ROR2: variants seen among roughly 807,000 people sequenced by gnomAD.
ROR2 encodes the protein ROR family WNT receptor 2, also known as tyrosine-protein kinase transmembrane receptor ROR2.
A neutral mutation model predicts 74.9 loss-of-function variants in ROR2; 33 were observed. That is an observed-to-expected ratio of 0.44 (90% CI 0.33 to 0.59). ROR2 has a LOEUF of 0.59. Ranked by LOEUF, ROR2 falls within the 20% of genes least tolerant of loss-of-function variation. ROR2 has a pLI of 0.02. For missense variants in ROR2, 1,216 were observed against 1,313.8 expected (o/e 0.93, Z 1.15); for synonymous variants, 586 against 558.7 (o/e 1.05, Z -0.69).
intron 4 of ROR2, among the ~76,000 whole-genome samples, chr9:91,747,542 A>C (rs932727898): frequency 1.3e-5 from 2 of 152,248 alleles, no homozygotes; most frequent in Non-Finnish European, 1.5e-5. Context: ...CTCCATTTAT[A>C]CAGACAGGAC....
chr9:91,912,563 T>G (rs1268814864), intron 1 of ROR2, among the ~76,000 whole-genome samples: 3 of 152,164 alleles, frequency 2.0e-5, no homozygotes, highest in Non-Finnish European at 4.4e-5. Flanking sequence ...TATGCTTCTG[T>G]GTATTCTTCT....
chr9:91,939,671 G>A (rs1360246521), intron 1 of ROR2, among the ~76,000 whole-genome samples: 1 of 152,068 alleles, frequency 6.6e-6, no homozygotes, highest in Non-Finnish European at 1.5e-5. Flanking sequence ...CACCAAGAAG[G>A]AGAAAATTGA....
At chr9:91,936,955 G>A (rs916650245) in intron 1 of ROR2, among the ~76,000 whole-genome samples, 2 of 145,528 alleles carry the variant, frequency 1.4e-5, no homozygotes, top group Non-Finnish European at 3.0e-5. Context: ...GCGTGAACCC[G>A]GGAGGCGGAG....
intron 1 of ROR2, among the ~76,000 whole-genome samples, chr9:91,782,500 T>G (rs74483489): frequency 0.031 from 4,687 of 151,646 alleles, 119 homozygotes; most frequent in East Asian, 0.13. Flanking sequence ...TGTCCAATCT[T>G]TTGGCTTCCC....
At chr9:91,853,255 G>A (rs1407448125) in intron 1 of ROR2, among the ~76,000 whole-genome samples, 1 of 152,214 alleles carries the variant, frequency 6.6e-6, no homozygotes, top group Non-Finnish European at 1.5e-5. Flanking sequence ...TCAACGGCCA[G>A]AGGGCGGGCG....
intron 2 of ROR2, 115 bp downstream of exon 2, chr9:91,775,626 G>A: frequency 1.1e-6 from 1 of 904,742 alleles, no homozygotes; most frequent in Non-Finnish European, 1.8e-6. Flanking sequence ...ACCACCAGGG[G>A]GCACCAAGGG....
At chr9:91,831,360 C>T (rs575636407) in intron 1 of ROR2, among the ~76,000 whole-genome samples, 1 of 152,122 alleles carries the variant, frequency 6.6e-6, no homozygotes. Flanking sequence ...ATGTTTTGGG[C>T]TGAGAGGAAT....
Position 91,723,524 on chromosome 9 carries a change from C to T in ROR2, c.*138G>A. ...GAGGACAGAGAGGAGCAGGGCTCCA[C>T]CTCACCCAGTCTGCAAACAAGCCCA... is the stretch of plus-strand genomic sequence containing the variant. On this transcript the variant is annotated 3_prime_UTR_variant, in exon 9 of 9. Coordinates refer to ENST00000375708, the MANE Select transcript of ROR2 (RefSeq NM_004560.4). 2.9e-5 allele frequency: 39 copies of T among 1,331,348 alleles called. No homozygotes were observed. The highest frequency in any genetic ancestry group is 3.9e-5 in the Non-Finnish European group (38 of 971,738). The allele number at this position is 1,331,348 out of a possible 1,614,324, so 82.5% of individuals were successfully genotyped here.
intron 1 of ROR2, among the ~76,000 whole-genome samples, chr9:91,855,295 G>T (rs536058491): frequency 6.6e-6 from 1 of 152,286 alleles, no homozygotes; most frequent in South Asian, 2.1e-4. Context: ...TGCCCAGAAA[G>T]CCCAGGCCCT....
intron 1 of ROR2, among the ~76,000 whole-genome samples, chr9:91,924,458 T>A (rs917739726): frequency 2.0e-5 from 3 of 152,206 alleles, no homozygotes; most frequent in African/African-American, 7.2e-5. Flanking sequence ...TCTCAACTTT[T>A]ACGTGCATTA....
chr9:91,900,842 C>T lies in ROR2; in HGVS notation c.97+49025G>A, dbSNP rs1334091570. 3.9e-5 allele frequency among the ~76,000 whole-genome samples: 6 copies of T among 152,218 alleles called. No homozygotes were observed. In the East Asian group the frequency reaches 7.7e-4, roughly 20 times the overall value. Reference sequence around the variant, plus strand: ...GGAAAAAAATAATAAGCCAAGAATGCACATCTGTTTTTAAGAAGGAAATCC... The same window carrying T: ...GGAAAAAAATAATAAGCCAAGAATGTACATCTGTTTTTAAGAAGGAAATCC... On this transcript the variant is annotated intron_variant, in intron 1 of 8. Coordinates refer to ENST00000375708, the MANE Select transcript of ROR2 (RefSeq NM_004560.4).
At chr9:91,768,968 C>T (rs1057139990) in intron 2 of ROR2, among the ~76,000 whole-genome samples, 5 of 152,164 alleles carry the variant, frequency 3.3e-5, no homozygotes, top group African/African-American at 1.2e-4. Flanking sequence ...AGTGGTGCAA[C>T]GCTCACAACC....
intron 1 of ROR2, among the ~76,000 whole-genome samples, chr9:91,925,560 G>A (rs1164445611): frequency 1.3e-5 from 2 of 151,748 alleles, no homozygotes; most frequent in African/African-American, 4.8e-5. Flanking sequence ...TCAAACTTAT[G>A]ACTTACCTCC....
Position 91,733,581 on chromosome 9 carries a change from C to T in ROR2, c.623-145G>A. 4.7e-6 allele frequency: 4 copies of T among 846,086 alleles called. No individual in the cohort carries two copies. Among genetic ancestry groups the T allele is most frequent in the Admixed American group, 2.3e-5 (1 of 43,098 alleles). The allele number at this position is 846,086 out of a possible 1,614,324, so 52.4% of individuals were successfully genotyped here. On this transcript the variant is annotated intron_variant, in intron 5 of 8. Coordinates refer to ENST00000375708, the MANE Select transcript of ROR2 (RefSeq NM_004560.4). This position sits in a 1 kb window ranked among gnomAD's most constrained non-coding sequence, Gnocchi z 5.7. ...CCGCCCCAGACTCCCCAACCCCGAGCCCCGCACACCACCCTGGAGAGGCTC... is the reference window on the plus strand; with the variant it reads ...CCGCCCCAGACTCCCCAACCCCGAGTCCCGCACACCACCCTGGAGAGGCTC...
At chr9:91,732,179 G>A (rs1274074202) in intron 6 of ROR2, among the ~76,000 whole-genome samples, 2 of 152,176 alleles carry the variant, frequency 1.3e-5, no homozygotes, top group Non-Finnish European at 2.9e-5. Flanking sequence ...GAGCTGTGGC[G>A]GAGGTGGCCC....
intron 1 of ROR2, among the ~76,000 whole-genome samples, chr9:91,904,054 G>GC (rs371252843): frequency 6.7e-6 from 1 of 149,558 alleles, no homozygotes; most frequent in Non-Finnish European, 1.5e-5. Flanking sequence ...TTTTTTTTGG[G>GC]GGGGGGGACA....
chr9:91,824,820 A>T (rs1470546948), intron 1 of ROR2, among the ~76,000 whole-genome samples: 1 of 152,164 alleles, frequency 6.6e-6, no homozygotes, highest in Non-Finnish European at 1.5e-5. Context: ...GTTTGCAATT[A>T]GGAAACAGCC....
chr9:91,738,211 T>C (rs1221202615), intron 4 of ROR2, among the ~76,000 whole-genome samples: 1 of 152,188 alleles, frequency 6.6e-6, no homozygotes, highest in African/African-American at 2.4e-5. Flanking sequence ...CTCACATGAA[T>C]GCAAGACATT....
At chr9:91,740,006 T>C (rs1825163855) in intron 4 of ROR2, among the ~76,000 whole-genome samples, 1 of 152,198 alleles carries the variant, frequency 6.6e-6, no homozygotes, top group South Asian at 2.1e-4. Context: ...GCCTAAGCTA[T>C]GAGATTCAGA....
Sources: gnomAD v4.1 joint callset for allele counts (sites outside exome capture counted in the v4.1 genomes callset) on GRCh38, gnomAD v4.1.1 for gene constraint, Gnocchi (gnomAD v3.1) non-coding constraint, MANE v1.5 for transcripts, NCBI Gene and HGNC (gene_info 2026-07-23, HGNC 2026-07-21) for gene names.